The following IGDCC3 variants were observed in gnomAD, a reference collection of about 807,000 sequenced individuals.
IGDCC3 encodes the protein putative neuronal cell adhesion molecule.
Under a neutral mutation model 72.0 loss-of-function variants are expected in IGDCC3, and 47 were observed. That is an observed-to-expected ratio of 0.65 (90% confidence interval 0.52 to 0.83). The LOEUF is 0.83. IGDCC3 is among the 40% of genes least tolerant of loss of function. The probability of loss-of-function intolerance (pLI) is 0.00; values close to 1 mark genes in which losing one functional copy is unlikely to be tolerated. For missense variants in IGDCC3, 1,038 were observed against 1,091.3 expected, an observed-to-expected ratio of 0.95 and a Z score of 0.69; for synonymous variants, 477 against 472.8, an observed-to-expected ratio of 1.01 and a Z score of -0.11.
rs577638101 is a variant in IGDCC3 at position 65,361,822 on chromosome 15, T to C, written c.409+13275A>G. Reference sequence around the variant, plus strand: ...CGCCGTGCTGGGGTAGGGGCGCCGCTCCTCCTGCCTCGAGGACGAGGCATC... The same window carrying C: ...CGCCGTGCTGGGGTAGGGGCGCCGCCCCTCCTGCCTCGAGGACGAGGCATC... On this transcript the variant is annotated intron_variant, in intron 2 of 13. Coordinates refer to ENST00000327987, the MANE Select transcript of IGDCC3 (RefSeq NM_004884.4). 4.9e-4 allele frequency among the ~76,000 whole-genome samples: 75 copies of C among 152,224 alleles called. 1 individual carries two copies. In the South Asian group the frequency reaches 0.015, roughly 31 times the overall value.
At chr15:65,360,449 A>G (rs2091253089) in intron 2 of IGDCC3, among the ~76,000 whole-genome samples, 1 of 152,238 alleles carries the variant, frequency 6.6e-6, no homozygotes, top group African/African-American at 2.4e-5. Flanking sequence ...AACTGGGACT[A>G]AATTAGACAG....
At chr15:65,337,458 C>T (rs893724087) in intron 2 of IGDCC3, among the ~76,000 whole-genome samples, 1 of 152,092 alleles carries the variant, frequency 6.6e-6, no homozygotes, top group Non-Finnish European at 1.5e-5. Context: ...ATCAATCACA[C>T]ACATCCCCAC....
chr15:65,334,915 T>C, intron 4 of IGDCC3, 50 bp from the exon 5 acceptor site: 1 of 1,569,266 alleles, frequency 6.4e-7, no homozygotes, highest in South Asian at 1.2e-5. Flanking sequence ...ACTTTCCCGC[T>C]TCCTCACCCC....
chr15:65,363,209 C>T (rs2091271916), intron 2 of IGDCC3, among the ~76,000 whole-genome samples: 1 of 152,096 alleles, frequency 6.6e-6, no homozygotes, highest in South Asian at 2.1e-4. Context: ...CACAAAAGCC[C>T]ACAGGTGGAA....
chr15:65,355,911 G>C (rs949260185), intron 2 of IGDCC3: 1 of 304,700 alleles, frequency 3.3e-6, no homozygotes. Flanking sequence ...GCGCACTCGC[G>C]GCGGCGGAGG....
chr15:65,336,839 T>C (rs960843130), intron 2 of IGDCC3, among the ~76,000 whole-genome samples: 1 of 151,774 alleles, frequency 6.6e-6, no homozygotes, highest in African/African-American at 2.4e-5. Context: ...CTGTAATGCC[T>C]GGGGAAGGAG....
intron 2 of IGDCC3, among the ~76,000 whole-genome samples, chr15:65,372,760 C>T (rs1290082008): frequency 6.6e-6 from 1 of 152,218 alleles, no homozygotes; most frequent in Non-Finnish European, 1.5e-5. Flanking sequence ...ACAACATCTG[C>T]AGTGCCGGCA....
In IGDCC3 at chr15:65,334,765, C is replaced by T. The variant is rs150842495; in HGVS notation, c.786G>A (p.Thr262=). 29 of 1,601,674 alleles carry T rather than the reference C, an allele frequency of 1.8e-5. No homozygotes were observed. In the African/African-American group the frequency reaches 2.0e-4, roughly 11 times the overall value. ...AGGACACAATGGGGCGCGGGTTGCC[C>T]GTGGCGACACACTCAAGCACCGCGG... ...HQTAVLECVA[T]GNPRPIVSWS... is the part of the protein sequence containing the mutation. The change falls in exon 5 of 14, where the codon ACG becomes ACA. Residue 262 remains threonine, a synonymous_variant. Coordinates refer to ENST00000327987, the MANE Select transcript of IGDCC3 (RefSeq NM_004884.4).
intron 2 of IGDCC3, among the ~76,000 whole-genome samples, chr15:65,340,310 A>C (rs2091069118): frequency 6.6e-6 from 1 of 152,090 alleles, no homozygotes; most frequent in Non-Finnish European, 1.5e-5. Flanking sequence ...CAAAGGGTCG[A>C]GGTAGAGTGC....
rs540403542 is a variant in IGDCC3 at position 65,339,159 on chromosome 15, G to A, written c.410-3203C>T. On this transcript the variant is annotated intron_variant, in intron 2 of 13. Coordinates refer to ENST00000327987, the MANE Select transcript of IGDCC3 (RefSeq NM_004884.4). The surrounding 1 kb of genome is among the most constrained non-coding windows in gnomAD (Gnocchi z 4.1). ...TGCAATGGCATGATCTCAGCTCACC[G>A]CAAGCTCCGCCTCCCAGGCTTAAGC... Among the ~76,000 whole-genome samples the A allele has an allele frequency of 5.9e-5, 9 of 152,244 alleles. No homozygotes were observed. The highest frequency in any genetic ancestry group is 4.1e-4 in the South Asian group (2 of 4,826).
chr15:65,343,794 A>G (rs2091102809), intron 2 of IGDCC3, among the ~76,000 whole-genome samples: 2 of 152,172 alleles, frequency 1.3e-5, no homozygotes, highest in South Asian at 4.1e-4. Flanking sequence ...TAAACTCCTC[A>G]AGGCACCTGC....
intron 2 of IGDCC3, among the ~76,000 whole-genome samples, chr15:65,338,841 CAGCTT>C (rs2091053819): frequency 6.6e-6 from 1 of 152,208 alleles, no homozygotes; most frequent in African/African-American, 2.4e-5. Context: ...CCAGCAAACT[CAGCTT>C]AGCTGGAGTC....
chr15:65,368,665 G>A (rs147763112), intron 2 of IGDCC3, among the ~76,000 whole-genome samples: 3 of 152,166 alleles, frequency 2.0e-5, no homozygotes, highest in African/African-American at 4.8e-5. Flanking sequence ...CATGGAGGGG[G>A]TACCAGGCAA....
rs1426410029 is a variant in IGDCC3, at chr15:65,375,225, C to A, written c.281G>T (p.Gly94Val). The change falls in exon 2 of 14, where the codon GGG (glycine) becomes GTG (valine). Residue 94 changes from glycine (G) to valine (V), a missense_variant. Coordinates refer to ENST00000327987, the MANE Select transcript of IGDCC3 (RefSeq NM_004884.4). The part of the protein sequence containing the change: ...ESTHSTLLAN[G>V]SLMIRHFRLE... ...CCTGAAGTGACGGATCATCAAGGAC[C>A]CATTGGCCAGCAAGGTGGAGTGGGT... 1 of 1,614,112 alleles carries A rather than the reference C, an allele frequency of 6.2e-7. No homozygotes were observed. The highest frequency in any genetic ancestry group is 8.5e-7 in the Non-Finnish European group (1 of 1,180,052).
rs2091262520 is a variant in IGDCC3 at position 65,361,646 on chromosome 15, G to T, written c.409+13451C>A. ...CAGCAGCCTAGAAGAGTAGTGAAAG[G>T]CCCCGCGTCCTGGATGCTGGGAGCC... On this transcript the variant is annotated intron_variant, in intron 2 of 13. Transcript: ENST00000327987. Among the ~76,000 whole-genome samples, 6 of 98,348 alleles carry T rather than the reference G, an allele frequency of 6.1e-5. No individual in the cohort carries two copies. In the South Asian group the frequency reaches 1.6e-3, roughly 26 times the overall value. The allele number at this position is 98,348 out of a possible 152,430, so 64.5% of individuals were successfully genotyped here. A position where few individuals can be genotyped will look rare whatever the true frequency, so the allele number is the denominator to read the frequency against.
chr15:65,329,177 C>T lies in IGDCC3; in HGVS notation c.2206-29G>A. On this transcript the variant is annotated intron_variant, in intron 13 of 13. Coordinates refer to ENST00000327987, the MANE Select transcript of IGDCC3 (RefSeq NM_004884.4). This position sits in a 1 kb window ranked among gnomAD's most constrained non-coding sequence, Gnocchi z 4.1. The stretch of plus-strand genomic sequence containing the variant: ...GGGAAAGAGCCCGTCACACAGGCGT[C>T]AGCTTGAGGGCCAGGGCGCCAGGCT... 6.3e-7 allele frequency: 1 copy of T among 1,586,184 alleles called. No homozygotes were observed. Among genetic ancestry groups the T allele is most frequent in the Non-Finnish European group, 8.6e-7 (1 of 1,167,886 alleles).
At chr15:65,345,535 C>T (rs1032681713) in intron 2 of IGDCC3, among the ~76,000 whole-genome samples, 1 of 151,872 alleles carries the variant, frequency 6.6e-6, no homozygotes, top group Non-Finnish European at 1.5e-5. Flanking sequence ...GCCCAGGTAA[C>T]AGAGTGAGAC....
At chr15:65,335,769 C>T in intron 3 of IGDCC3, 43 bp downstream of exon 3, 1 of 1,609,576 alleles carries the variant, frequency 6.2e-7, no homozygotes, top group Non-Finnish European at 8.5e-7. Context: ...GAGTCACTGG[C>T]CACCTCTTTG....
intron 1 of IGDCC3, among the ~76,000 whole-genome samples, chr15:65,375,793 G>C (rs567290315): frequency 6.6e-6 from 1 of 152,286 alleles, no homozygotes; most frequent in South Asian, 2.1e-4. Context: ...GATAAGCACT[G>C]AAGCCTCACA....
Sources: allele counts gnomAD v4.1 joint callset (sites outside exome capture counted in the v4.1 genomes callset), GRCh38; gene constraint gnomAD v4.1.1; non-coding constraint Gnocchi (gnomAD v3.1); transcripts MANE v1.5; gene names NCBI Gene and HGNC (gene_info 2026-07-23, HGNC 2026-07-21).